PLEC: variants seen among roughly 807,000 people sequenced by gnomAD.
PLEC encodes the protein hemidesmosomal protein 1.
Under a neutral mutation model 392.8 loss-of-function variants are expected in PLEC, and 216 were observed. The observed-to-expected ratio is 0.55, with a 90% CI of 0.49 to 0.62. The LOEUF is 0.62. Among genes scored for constraint, PLEC ranks in the 20% least tolerant of loss-of-function variants. The pLI is 0.00. For synonymous variants in PLEC, 3,621 were observed against 2,980.6 expected, an observed-to-expected ratio of 1.21 and a Z score of -7.00; for missense variants, 6,863 against 6,563.4, an observed-to-expected ratio of 1.05 and a Z score of -1.58.
At chr8:143,955,234 T>C (rs1328897655), upstream of PLEC, among the ~76,000 whole-genome samples, 3 of 152,154 alleles carry the variant, frequency 2.0e-5, no homozygotes, top group African/African-American at 7.2e-5. Context: ...CCCAGCACTT[T>C]GGGAGGCCGA....
At position 143,923,902 on chromosome 8, in the gene PLEC, C is replaced by G; in HGVS notation, c.6027G>C (p.Glu2009Asp). ...EAARQRKAAL[E>D]EVERLKAKVE... Reference sequence around the variant, plus strand: ...CCTTGGCTTTCAGCCGCTCGACTTCCTCCAGCGCCGCCTTCCGCTGCCGTG... The same window carrying G: ...CCTTGGCTTTCAGCCGCTCGACTTCGTCCAGCGCCGCCTTCCGCTGCCGTG... The change falls in exon 31 of 32, where the codon GAG becomes GAC. Residue 2009 changes from glutamate to aspartate, a missense_variant. Physicochemically the swap from Glu to Asp is conservative, Grantham distance 45 (BLOSUM62 2). Transcript: ENST00000345136. The G allele has an allele frequency of 6.3e-7, 1 of 1,595,110 alleles. No individual in the cohort carries two copies. The highest frequency in any genetic ancestry group is 1.1e-5 in the South Asian group (1 of 90,750).
chr8:143,947,385 C>T (rs1344911402), intron 1 of PLEC, among the ~76,000 whole-genome samples: 3 of 152,204 alleles, frequency 2.0e-5, no homozygotes, highest in Admixed American at 6.5e-5. Context: ...GCATGGACAG[C>T]GCTCAGCTGG....
chr8:143,950,927 G>GC, upstream of PLEC: 1 of 956,368 alleles, frequency 1.0e-6, no homozygotes. Flanking sequence ...TGCCGGCACT[G>GC]CCGGCTGCCC....
chr8:143,926,519 G>A lies in PLEC; in HGVS notation c.4044+265C>T, dbSNP rs1564072713. ...GGAAGAGCCCACAGGACGGCCGCTA[G>A]GCTGCAGGGGGGACGCTCACGAGGG... On this transcript the variant is annotated intron_variant, in intron 30 of 31. Transcript: ENST00000345136. Among the ~76,000 whole-genome samples, 6 of 152,224 alleles carry A rather than the reference G, an allele frequency of 3.9e-5. No homozygotes were observed. The South Asian group carries it at 1.2e-3, about 32-fold the overall frequency.
intron 1 of PLEC, chr8:143,946,351 T>G (rs1345594405): frequency 2.3e-6 from 3 of 1,288,614 alleles, no homozygotes; most frequent in East Asian, 1.1e-4. Flanking sequence ...CTGCCCTACC[T>G]TGGCCCAGCT....
At chr8:143,956,756 A>AG (rs1832617815), upstream of PLEC, among the ~76,000 whole-genome samples, 2 of 152,178 alleles carry the variant, frequency 1.3e-5, no homozygotes, top group African/African-American at 4.8e-5. Context: ...GCTTATCGAC[A>AG]AGCTGCAGCA....
In PLEC at chr8:143,934,993, T is replaced by C. The variant is rs939370810; in HGVS notation, c.825+18A>G. 4.3e-6 allele frequency: 7 copies of C among 1,611,624 alleles called. No individual in the cohort carries two copies. The highest frequency in any genetic ancestry group is 5.9e-6 in the Non-Finnish European group (7 of 1,179,428). On this transcript the variant is annotated intron_variant, in intron 8 of 31. Coordinates refer to ENST00000345136, the MANE Select transcript of PLEC (RefSeq NM_201384.3). ...GCGTCCAGGCCCAAGCCCCCTGCCCTCCGGGCCCCCCACTCACGTTGGCCC... is the reference window on the plus strand; with the variant it reads ...GCGTCCAGGCCCAAGCCCCCTGCCCCCCGGGCCCCCCACTCACGTTGGCCC...
rs1415241788 is a variant in PLEC, at chr8:143,924,386, A to T, written c.5543T>A (p.Leu1848His). 1 of 1,595,668 alleles carries T rather than the reference A, an allele frequency of 6.3e-7. No homozygotes were observed. Among genetic ancestry groups the T allele is most frequent in the African/African-American group, 1.3e-5 (1 of 74,676 alleles). The change falls in exon 31 of 32, where the codon CTC (leucine) becomes CAC (histidine). Residue 1848 changes from leucine to histidine, a missense_variant. Coordinates refer to ENST00000345136, the MANE Select transcript of PLEC (RefSeq NM_201384.3). ...GAGCGCGATCTCCGCCTCCGTCTTG[A>T]GCCGCGTGGCCTCGCCGATGGCGGC... is the stretch of plus-strand genomic sequence containing the variant. The part of the protein sequence containing the change: ...KLAAIGEATR[L>H]KTEAEIALKE...
chr8:143,930,763 A>G (rs1554714434), intron 19 of PLEC, among the ~76,000 whole-genome samples: 2 of 152,030 alleles, frequency 1.3e-5, no homozygotes, highest in Admixed American at 6.5e-5. Flanking sequence ...CTCTCACCCC[A>G]GCTCACCCAC....
At position 143,922,552 on chromosome 8, in the gene PLEC, C is replaced by A. The variant is rs1823211586; in HGVS notation, c.7377G>T (p.Lys2459Asn). ...REAIAELERE[K>N]EKLQQEAKLL... is the part of the protein sequence containing the mutation. ...GTTTGGCCTCCTGTTGGAGCTTCTCCTTCTCACGCTCCAGCTCAGCGATGG... is the reference window on the plus strand; with the variant it reads ...GTTTGGCCTCCTGTTGGAGCTTCTCATTCTCACGCTCCAGCTCAGCGATGG... Residue 2459 changes from lysine (K) to asparagine (N), a missense_variant, in exon 31 of 32, where the codon AAG becomes AAT. Lys to Asn is a moderately conservative substitution (Grantham distance 94, BLOSUM62 0). Coordinates refer to ENST00000345136, the MANE Select transcript of PLEC (RefSeq NM_201384.3). 1.2e-6 allele frequency: 2 copies of A among 1,613,026 alleles called. No homozygotes were observed.
upstream of PLEC, chr8:143,958,720 C>T (rs782347580): frequency 3.4e-4 from 151 of 443,664 alleles, 1 homozygote; most frequent in East Asian, 1.0e-3. The surrounding 1 kb of genome is among the most constrained non-coding windows in gnomAD (Gnocchi z 4.9). Context: ...GGGTGGACCT[C>T]GCCAGGCCTC....
rs370168097 is a variant in PLEC, at chr8:143,925,405, C to T, written c.4524G>A (p.Gln1508=). The T allele has an allele frequency of 6.9e-4, 1,104 of 1,590,778 alleles. 5 individuals carry two copies. Among genetic ancestry groups the T allele is most frequent in the Non-Finnish European group, 9.1e-4 (1,067 of 1,175,934 alleles). ...RLRRQVQDES[Q]RKRQAEVELA... ...GCTCCACCTCCGCCTGCCGCTTACG[C>T]TGGCTCTCGTCCTGCACCTGCCTCC... The change falls in exon 31 of 32, where the codon CAG becomes CAA. Residue 1508 remains glutamine, a synonymous_variant. Coordinates refer to ENST00000345136, the MANE Select transcript of PLEC (RefSeq NM_201384.3).
At position 143,919,082 on chromosome 8, in the gene PLEC, T is replaced by TGGCTGCCGCCGCCGG; in HGVS notation, c.10724_10738dup (p.Pro3575_Ser3579dup). ...CCACAGGGACATGGTGGAGCCGCCG[T>TGGCTGCCGCCGCCGG]GGCTGCCGCCGCCGGGAATGTCGAT... On this transcript the variant is annotated inframe_insertion, in exon 32 of 32. Transcript: ENST00000345136. The TGGCTGCCGCCGCCGG allele has an allele frequency of 1.9e-6, 3 of 1,611,748 alleles. No homozygotes were observed. Among genetic ancestry groups the TGGCTGCCGCCGCCGG allele is most frequent in the Non-Finnish European group, 1.7e-6 (2 of 1,180,014 alleles).
chr8:143,929,636 C>T lies in PLEC; in HGVS notation c.2923+10G>A, dbSNP rs202043586. 1.5e-5 allele frequency: 24 copies of T among 1,607,102 alleles called. No homozygotes were observed. Among genetic ancestry groups the T allele is most frequent in the South Asian group, 4.4e-5 (4 of 91,050 alleles). On this transcript the variant is annotated intron_variant, in intron 23 of 31. Coordinates refer to ENST00000345136, the MANE Select transcript of PLEC (RefSeq NM_201384.3). ...ACCAGCCCAACCGCCCCAGCCCTGC[C>T]GTGCCCTACCCTGTTCCAGGCTCTG...
At chr8:143,949,154 G>A (rs539136572) in intron 1 of PLEC, among the ~76,000 whole-genome samples, 7 of 152,298 alleles carry the variant, frequency 4.6e-5, no homozygotes, top group South Asian at 4.1e-4. Flanking sequence ...CATCCCACAC[G>A]GGCAGCTGCG....
intron 1 of PLEC, among the ~76,000 whole-genome samples, chr8:143,967,749 G>A (rs1242857265): frequency 2.0e-5 from 3 of 152,168 alleles, no homozygotes; most frequent in Non-Finnish European, 4.4e-5. Flanking sequence ...AGACCAGCCT[G>A]GCCAACAATG....
chr8:143,933,126 G>T lies in PLEC; in HGVS notation c.1419-15C>A. ...GACGGTACACCCTGGGGCAGCAGAG[G>T]ACTCAGGTAGGTGTTGGCGGGCCTG... On this transcript the variant is annotated splice_polypyrimidine_tract_variant and intron_variant, in intron 13 of 31. Transcript: ENST00000345136. 1.2e-6 allele frequency: 2 copies of T among 1,601,440 alleles called. No individual in the cohort carries two copies. Among genetic ancestry groups the T allele is most frequent in the South Asian group, 1.1e-5 (1 of 89,884 alleles).
rs782768656 is a variant in PLEC, at chr8:143,929,612, C to T, written c.2923+34G>A. On this transcript the variant is annotated intron_variant, in intron 23 of 31. Coordinates refer to ENST00000345136, the MANE Select transcript of PLEC (RefSeq NM_201384.3). The stretch of plus-strand genomic sequence containing the variant: ...GGGTCACTCCACCGCCCACCTCGCA[C>T]CAGCCCAACCGCCCCAGCCCTGCCG... 4 of 1,609,628 alleles carry T rather than the reference C, an allele frequency of 2.5e-6. No homozygotes were observed. The East Asian group carries it at 8.9e-5, about 36-fold the overall frequency.
At chr8:143,970,437 T>A (rs1436083159) in intron 1 of PLEC, among the ~76,000 whole-genome samples, 1 of 152,102 alleles carries the variant, frequency 6.6e-6, no homozygotes, top group Non-Finnish European at 1.5e-5. Context: ...TGGCCGCCCC[T>A]TTACAGGGAG....
Sources: gnomAD v4.1 joint callset for allele counts (sites outside exome capture counted in the v4.1 genomes callset) on GRCh38, gnomAD v4.1.1 for gene constraint, Gnocchi (gnomAD v3.1) non-coding constraint, MANE v1.5 for transcripts, NCBI Gene and HGNC (gene_info 2026-07-23, HGNC 2026-07-21) for gene names.